KCNH5: variants seen among roughly 807,000 people sequenced by gnomAD.
KCNH5 encodes the protein potassium voltage-gated channel subfamily H member 5, also known as voltage-gated delayed rectifier potassium channel KCNH5.
KCNH5 carries 46 observed loss-of-function variants against 96.1 expected under a neutral mutation model. That is an observed-to-expected ratio of 0.48 (90% CI 0.38 to 0.61). KCNH5 has a LOEUF of 0.61. KCNH5 is among the 20% of genes least tolerant of loss of function. The pLI is 0.00. For synonymous variants in KCNH5, 439 were observed against 449.8 expected (o/e 0.98, Z 0.30); for missense variants, 907 against 1,225.8 (o/e 0.74, Z 3.88).
rs973255177 is a variant in KCNH5 at position 62,706,136 on chromosome 14, T to C, written c.*1372A>G. ...TATACAGGACAACTCTTTGTGACTT[T>C]TTTTAAAAACTTGATAATAGGCACT... On this transcript the variant is annotated 3_prime_UTR_variant, in exon 11 of 11. Transcript: ENST00000322893. The C allele has an allele frequency of 1.3e-5, 2 of 152,132 alleles. No homozygotes were observed. The highest frequency in any genetic ancestry group is 3.8e-4 in the East Asian group (2 of 5,204). The allele number at this position is 152,132 out of a possible 1,614,324, so 9.4% of individuals were successfully genotyped here. A position where few individuals can be genotyped will look rare whatever the true frequency, so the allele number is the denominator to read the frequency against.
intron 10 of KCNH5, among the ~76,000 whole-genome samples, chr14:62,732,643 C>T (rs1885074709): frequency 6.6e-6 from 1 of 152,140 alleles, no homozygotes; most frequent in Non-Finnish European, 1.5e-5. Flanking sequence ...TAGCCCTGTG[C>T]CCTGCAATCT....
chr14:62,907,749 A>G (rs1180382699), intron 7 of KCNH5, among the ~76,000 whole-genome samples: 1 of 152,186 alleles, frequency 6.6e-6, no homozygotes, highest in Non-Finnish European at 1.5e-5. Flanking sequence ...TAAAACAGGA[A>G]GCCGTTCTCA....
At chr14:62,745,113 T>C (rs1229369252) in intron 10 of KCNH5, among the ~76,000 whole-genome samples, 2 of 152,202 alleles carry the variant, frequency 1.3e-5, no homozygotes, top group Admixed American at 6.5e-5. Flanking sequence ...ATCCTGACAC[T>C]GCACAAATTG....
intron 1 of KCNH5, among the ~76,000 whole-genome samples, chr14:63,033,072 T>C (rs894463625): frequency 2.0e-5 from 3 of 152,096 alleles, no homozygotes; most frequent in Admixed American, 6.6e-5. Flanking sequence ...TTTCCACTAC[T>C]ACCATCCCAG....
chr14:62,954,463 CA>C (rs1890063941), intron 6 of KCNH5, among the ~76,000 whole-genome samples: 1 of 152,158 alleles, frequency 6.6e-6, no homozygotes, highest in South Asian at 2.1e-4. Context: ...ATATGTTAAG[CA>C]GCCAATAATT....
At chr14:62,843,706 G>C (rs113523809) in intron 8 of KCNH5, among the ~76,000 whole-genome samples, 1 of 151,962 alleles carries the variant, frequency 6.6e-6, no homozygotes, top group African/African-American at 2.4e-5. Context: ...CACTGAGCCC[G>C]GCCCCTACAT....
At chr14:62,756,783 A>G (rs976799480) in intron 10 of KCNH5, among the ~76,000 whole-genome samples, 2 of 152,238 alleles carry the variant, frequency 1.3e-5, no homozygotes, top group South Asian at 2.1e-4. Context: ...ATCTTTCACC[A>G]TATCTAAAAA....
chr14:62,958,708 A>G lies in KCNH5; in HGVS notation c.943-8149T>C, dbSNP rs191271918. On this transcript the variant is annotated intron_variant, in intron 6 of 10. Transcript: ENST00000322893. ...GCATCACTGTCTCTTCATTATGCCC[A>G]CTATCAAAATTCAAGTCCTGGCTCA... is the stretch of plus-strand genomic sequence containing the variant. Among the ~76,000 whole-genome samples, 114 of 152,220 alleles carry G rather than the reference A, an allele frequency of 7.5e-4. 1 individual carries two copies. Among genetic ancestry groups the G allele is most frequent in the Middle Eastern group, 3.4e-3 (1 of 294 alleles).
chr14:62,948,769 T>G (rs1489015666), intron 7 of KCNH5, among the ~76,000 whole-genome samples: 1 of 149,384 alleles, frequency 6.7e-6, no homozygotes, highest in Non-Finnish European at 1.5e-5. Flanking sequence ...AATAAAATAC[T>G]GGCAAACCGA....
intron 10 of KCNH5, among the ~76,000 whole-genome samples, chr14:62,727,822 C>T (rs1458356780): frequency 6.8e-6 from 1 of 146,520 alleles, no homozygotes; most frequent in Non-Finnish European, 1.5e-5. Flanking sequence ...GTAATTTTAA[C>T]ATACTGTGTA....
chr14:62,876,568 G>C (rs368499334), intron 7 of KCNH5, among the ~76,000 whole-genome samples: 11 of 152,124 alleles, frequency 7.2e-5, no homozygotes, highest in African/African-American at 2.4e-4. Flanking sequence ...ACAAATAGTT[G>C]AAAAGTTAGA....
At chr14:62,768,885 A>C (rs1213149109) in intron 10 of KCNH5, among the ~76,000 whole-genome samples, 1 of 152,178 alleles carries the variant, frequency 6.6e-6, no homozygotes, top group Non-Finnish European at 1.5e-5. Context: ...GTATCTGTGA[A>C]CCTCTGTCCT....
Position 62,707,766 on chromosome 14 carries a change from C to G in KCNH5, c.2709G>C (p.Glu903Asp). The G allele has an allele frequency of 6.2e-7, 1 of 1,614,098 alleles. No individual in the cohort carries two copies. The highest frequency in any genetic ancestry group is 1.7e-4 in the Middle Eastern group (1 of 6,060). The change falls in exon 11 of 11, where the codon GAG becomes GAC. Residue 903 changes from glutamate to aspartate, a missense_variant. This residue lies in a region of KCNH5 where 362 missense variants were observed against 394.4 expected (regional missense o/e 0.92). Transcript: ENST00000322893. ...CCTGCAGTGTGGTCTGTAAGGCCTG[C>G]TCGGGGATGGGATAAAAGGGGTGCT... The part of the protein sequence containing the change: ...DAKHPFYPIP[E>D]QALQTTLQEV...
rs187923442 is a variant in KCNH5, at chr14:62,768,271, A to G, written c.2019+11457T>C. The stretch of plus-strand genomic sequence containing the variant: ...ACAAGGCCTAAGTAGTTAGGATAAG[A>G]AAATTTGCATGTATCCTAAGTTTAA... On this transcript the variant is annotated intron_variant, in intron 10 of 10. Transcript: ENST00000322893. Among the ~76,000 whole-genome samples the G allele has an allele frequency of 2.8e-3, 422 of 152,346 alleles. 2 individuals carry two copies. The highest frequency in any genetic ancestry group is 4.6e-3 in the Admixed American group (70 of 15,296).
At chr14:62,826,887 T>C (rs933273131) in intron 8 of KCNH5, among the ~76,000 whole-genome samples, 2 of 152,036 alleles carry the variant, frequency 1.3e-5, no homozygotes, top group African/African-American at 4.8e-5. Context: ...TTTAAGGAAT[T>C]TAAACATGAA....
At chr14:62,982,137 T>C (rs1273788525) in intron 5 of KCNH5, among the ~76,000 whole-genome samples, 1 of 152,166 alleles carries the variant, frequency 6.6e-6, no homozygotes, top group Non-Finnish European at 1.5e-5. Context: ...GAGACCATCC[T>C]GGCCAACATG....
chr14:62,818,344 A>G (rs1032342136), intron 8 of KCNH5, among the ~76,000 whole-genome samples: 2 of 152,210 alleles, frequency 1.3e-5, no homozygotes, highest in African/African-American at 4.8e-5. Flanking sequence ...CTTTGAATAC[A>G]TATAATTTTT....
At chr14:62,821,628 T>C (rs1007303991) in intron 8 of KCNH5, among the ~76,000 whole-genome samples, 1 of 152,158 alleles carries the variant, frequency 6.6e-6, no homozygotes, top group East Asian at 1.9e-4. Flanking sequence ...GTCACCAATG[T>C]CTTCAGAGCT....
At chr14:62,839,845 AG>A (rs1358012702) in intron 8 of KCNH5, among the ~76,000 whole-genome samples, 1 of 152,110 alleles carries the variant, frequency 6.6e-6, no homozygotes, top group Non-Finnish European at 1.5e-5. Flanking sequence ...ATAGGTGAAA[AG>A]TTTCAGCTTC....
Sources: gnomAD v4.1 joint callset for allele counts (sites outside exome capture counted in the v4.1 genomes callset) on GRCh38, gnomAD v4.1.1 for gene constraint, gnomAD v4.1.1 regional missense constraint, MANE v1.5 for transcripts, NCBI Gene and HGNC (gene_info 2026-07-23, HGNC 2026-07-21) for gene names.